The following NAAA variants were observed in gnomAD, a reference collection of about 807,000 sequenced individuals.
The protein encoded by NAAA is N-acylethanolamine-hydrolyzing acid amidase.
Under a neutral mutation model 44.8 loss-of-function variants are expected in NAAA, and 39 were observed. The observed-to-expected ratio is 0.87, with a 90% CI of 0.67 to 1.14. The LOEUF (loss-of-function observed/expected upper bound fraction) is 1.14, where lower values mean the gene tolerates loss of function less well. Ranked by LOEUF, NAAA falls within the 50% of genes most tolerant of loss-of-function variation. The pLI is 0.00. For synonymous variants in NAAA, 178 were observed against 191.3 expected (o/e 0.93, Z 0.58); for missense variants, 460 against 467.8 (o/e 0.98, Z 0.15).
At chr4:75,935,996 T>A in intron 3 of NAAA, 113 bp downstream of exon 3, 1 of 801,346 alleles carries the variant, frequency 1.2e-6, no homozygotes, top group Non-Finnish European at 1.7e-6. Flanking sequence ...AGGGGTGTGA[T>A]TTTTTTGTGT....
intron 3 of NAAA, 142 bp from the exon 4 acceptor site, chr4:75,931,446 A>C (rs1292127730): frequency 3.5e-6 from 2 of 569,662 alleles, no homozygotes; most frequent in Non-Finnish European, 6.1e-6. Flanking sequence ...GTCTTCTAAG[A>C]CAGAGGTTCT....
intron 8 of NAAA, 84 bp downstream of exon 8, chr4:75,919,825 A>G: frequency 3.0e-6 from 4 of 1,318,504 alleles, no homozygotes; most frequent in South Asian, 1.2e-5. Flanking sequence ...TTCATCTACC[A>G]GAAGATTTCA....
chr4:75,915,778 C>T (rs548592696), intron 9 of NAAA, among the ~76,000 whole-genome samples: 1 of 152,332 alleles, frequency 6.6e-6, no homozygotes. Flanking sequence ...CGCCCCTCCA[C>T]CTTGCCCAGA....
At position 75,920,795 on chromosome 4, in the gene NAAA, A is replaced by T. The variant is rs1231160482; in HGVS notation, c.845T>A (p.Phe282Tyr). 1 of 1,614,188 alleles carries T rather than the reference A, an allele frequency of 6.2e-7. No individual in the cohort carries two copies. ...GTGGTCGTAATTTGTCTCAACTCGG[A>T]ACCACCTACAACAGAGCACATCATC... Reference protein sequence around the residue: ...WPLDPLNGAWFRVETNYDHWK... With the variant: ...WPLDPLNGAWYRVETNYDHWK... The change falls in exon 7 of 11, where the codon TTC (phenylalanine) becomes TAC (tyrosine). Residue 282 changes from phenylalanine to tyrosine, a missense_variant. Transcript: ENST00000286733.
At chr4:75,934,052 GTAATAATAA>G (rs66466020) in intron 3 of NAAA, among the ~76,000 whole-genome samples, 27,614 of 141,702 alleles carry the variant, frequency 0.19, 2,939 homozygotes, top group East Asian at 0.28. Context: ...AATAGTAGTA[GTAATAATAA>G]TAATAATAAT....
In NAAA at chr4:75,914,870, T is replaced by G; in HGVS notation, c.*34A>C. 1 of 1,611,610 alleles carries G rather than the reference T, an allele frequency of 6.2e-7. No homozygotes were observed. Among genetic ancestry groups the G allele is most frequent in the Non-Finnish European group, 8.5e-7 (1 of 1,177,990 alleles). ...TCCACAAAACAGTAACAACAAACCT[T>G]TCACAGCACGGGCGAACTCGCTCTT... On this transcript the variant is annotated splice_region_variant and 3_prime_UTR_variant, in exon 10 of 11. Coordinates refer to ENST00000286733, the MANE Select transcript of NAAA (RefSeq NM_014435.4).
chr4:75,926,976 C>G (rs1726762731), intron 4 of NAAA, among the ~76,000 whole-genome samples: 1 of 151,886 alleles, frequency 6.6e-6, no homozygotes, highest in African/African-American at 2.4e-5. Flanking sequence ...TGCACTCCAG[C>G]CTGAGTGACA....
chr4:75,935,726 TG>T, intron 3 of NAAA: 1 of 245,450 alleles, frequency 4.1e-6, no homozygotes, highest in Non-Finnish European at 7.6e-6. Context: ...GATTTAAACC[TG>T]GGACTGTCAG....
intron 4 of NAAA, among the ~76,000 whole-genome samples, chr4:75,928,025 C>T (rs1356669620): frequency 1.3e-5 from 2 of 152,206 alleles, no homozygotes; most frequent in African/African-American, 4.8e-5. Flanking sequence ...CCCACTCTAG[C>T]AATTTTGAAA....
rs766960239 is a variant in NAAA, at chr4:75,917,070, C to T, written c.998+1691G>A. 268 of 950,114 alleles carry T rather than the reference C, an allele frequency of 2.8e-4. 1 individual carries two copies. The highest frequency in any genetic ancestry group is 5.4e-4 in the Middle Eastern group (1 of 1,860). 58.9% of individuals were successfully genotyped at this position (950,114 alleles called of 1,614,324 possible). On this transcript the variant is annotated intron_variant, in intron 9 of 10. Transcript: ENST00000286733. Reference sequence around the variant, plus strand: ...CTAGGATTACAGATGTGAGCCACTGCGCCCAGCCAGATATATTCATCACTT... The same window carrying T: ...CTAGGATTACAGATGTGAGCCACTGTGCCCAGCCAGATATATTCATCACTT...
intron 1 of NAAA, 42 bp downstream of exon 1, chr4:75,940,702 G>A (rs879110330): frequency 6.4e-7 from 1 of 1,568,336 alleles, no homozygotes; most frequent in African/African-American, 1.4e-5. Flanking sequence ...CCGACCCGCA[G>A]GGCCGGTGTC....
At chr4:75,915,115 T>G (rs1409298780) in intron 9 of NAAA, 130 bp from the exon 10 acceptor site, 11 of 684,542 alleles carry the variant, frequency 1.6e-5, no homozygotes, top group Non-Finnish European at 2.5e-6. Flanking sequence ...ATATTTTAAA[T>G]CTATGAATCA....
At chr4:75,919,662 T>C in intron 8 of NAAA, 1 of 556,352 alleles carries the variant, frequency 1.8e-6, no homozygotes, top group Non-Finnish European at 3.1e-6. Flanking sequence ...GTATTTTTAG[T>C]AGAGACAGGG....
rs139112914 is a variant in NAAA at position 75,928,441 on chromosome 4, G to A, written c.590-2630C>T. Among the ~76,000 whole-genome samples, 366 of 152,286 alleles carry A rather than the reference G, an allele frequency of 2.4e-3. 3 individuals carry two copies. The highest frequency in any genetic ancestry group is 8.6e-3 in the African/African-American group (358 of 41,552). On this transcript the variant is annotated intron_variant, in intron 4 of 10. Transcript: ENST00000286733. ...GCTGATAAGACTTAGGGAGTGAGGG[G>A]TCAGTGATGATTTCTGGTAGCAATT... is the stretch of plus-strand genomic sequence containing the variant.
intron 4 of NAAA, among the ~76,000 whole-genome samples, chr4:75,927,625 T>G (rs1203376424): frequency 4.2e-5 from 4 of 95,636 alleles, no homozygotes; most frequent in Admixed American, 3.8e-4. Context: ...TAAAAAAAAA[T>G]TTTTAATGCC....
intron 4 of NAAA, 34 bp from the exon 5 acceptor site, chr4:75,925,845 G>A (rs1726635234): frequency 6.4e-7 from 1 of 1,560,222 alleles, no homozygotes; most frequent in African/African-American, 1.4e-5. Context: ...ATATATGTGT[G>A]TGTATATATG....
intron 3 of NAAA, chr4:75,935,346 CT>C (rs1213326498): frequency 2.0e-5 from 3 of 152,302 alleles, no homozygotes; most frequent in African/African-American, 7.2e-5. Context: ...CTTTTGCACT[CT>C]GTATTCTGTT....
intron 3 of NAAA, among the ~76,000 whole-genome samples, chr4:75,932,065 A>G (rs536382394): frequency 3.9e-5 from 6 of 152,296 alleles, no homozygotes; most frequent in African/African-American, 1.4e-4. Flanking sequence ...CCTGGATTCT[A>G]CTAAAAATAC....
At chr4:75,940,220 A>G in intron 1 of NAAA, 55 bp from the exon 2 acceptor site, 1 of 1,575,504 alleles carries the variant, frequency 6.3e-7, no homozygotes, top group South Asian at 1.1e-5. Flanking sequence ...GCGGCGTGCG[A>G]CTGCGTGTGC....
Sources: gnomAD v4.1 joint callset for allele counts (sites outside exome capture counted in the v4.1 genomes callset) on GRCh38, gnomAD v4.1.1 for gene constraint, MANE v1.5 for transcripts, NCBI Gene and HGNC (gene_info 2026-07-23, HGNC 2026-07-21) for gene names.